Variants in VWA5A observed in about 807,000 individuals in gnomAD.
VWA5A encodes the protein von Willebrand factor A domain containing 5A.
Under a neutral mutation model 84.6 loss-of-function variants are expected in VWA5A, and 77 were observed. The observed-to-expected ratio is 0.91, with a 90% CI of 0.76 to 1.10. The LOEUF is 1.10. Ranked by LOEUF, VWA5A falls within the 50% of genes least tolerant of loss-of-function variation. The probability of loss-of-function intolerance (pLI) is 0.00; values close to 1 mark genes in which losing one functional copy is unlikely to be tolerated. For synonymous variants in VWA5A, 334 were observed against 350.1 expected, an observed-to-expected ratio of 0.95 and a Z score of 0.51; for missense variants, 973 against 963.0, an observed-to-expected ratio of 1.01 and a Z score of -0.14.
chr11:124,126,551 G>A (rs1049424139), intron 11 of VWA5A, among the ~76,000 whole-genome samples: 2 of 152,146 alleles, frequency 1.3e-5, no homozygotes, highest in African/African-American at 2.4e-5. Context: ...ACGAGGTCAG[G>A]AGTTTGAGAC....
rs1369993859 is a variant in VWA5A at position 124,147,135 on chromosome 11, T to C, written c.*1190T>C. ...ACATTGGTTTTATTGTCCCTTGTTT[T>C]CTGTTCCAGCTTTTCTGATGCCTCC... On this transcript the variant is annotated 3_prime_UTR_variant, in exon 19 of 19. Transcript: ENST00000456829. 6.3e-6 allele frequency: 1 copy of C among 158,708 alleles called. No individual in the cohort carries two copies. The highest frequency in any genetic ancestry group is 6.5e-5 in the Admixed American group (1 of 15,290). 9.8% of individuals were successfully genotyped at this position (158,708 alleles called of 1,614,324 possible).
chr11:124,117,597 C>T, intron 3 of VWA5A, 43 bp downstream of exon 3: 1 of 1,614,062 alleles, frequency 6.2e-7, no homozygotes, highest in Non-Finnish European at 8.5e-7. Context: ...GAATCTTTGG[C>T]ACCTATCACA....
At chr11:124,123,177 T>G in intron 8 of VWA5A, 48 bp downstream of exon 8, 2 of 1,586,900 alleles carry the variant, frequency 1.3e-6, no homozygotes, top group Non-Finnish European at 1.7e-6. Flanking sequence ...CAAGTGAGGA[T>G]GAATCTGAGG....
At chr11:124,122,929 G>C in intron 7 of VWA5A, 31 bp from the exon 8 acceptor site, 1 of 1,586,384 alleles carries the variant, frequency 6.3e-7, no homozygotes, top group Non-Finnish European at 8.5e-7. Flanking sequence ...GTTCCTTTTT[G>C]TCTTACAGTG....
intron 7 of VWA5A, among the ~76,000 whole-genome samples, chr11:124,121,281 A>T (rs995001868): frequency 1.3e-5 from 2 of 152,164 alleles, no homozygotes; most frequent in Admixed American, 6.5e-5. Context: ...TAAAATTTAC[A>T]AATAATTTTA....
Position 124,124,542 on chromosome 11 carries a change from C to T in VWA5A, c.1244+226C>T, listed in dbSNP as rs11825291. 0.013 allele frequency: 16,048 copies of T among 1,269,018 alleles called. 1,038 individuals carry two copies. The African/African-American group carries it at 0.15, about 12-fold the overall frequency. The allele number at this position is 1,269,018 out of a possible 1,614,324, so 78.6% of individuals were successfully genotyped here. A position where few individuals can be genotyped will look rare whatever the true frequency, so the allele number is the denominator to read the frequency against. ...GTTTCTTATTCTTTCTAAACTACAA[C>T]GAACACAAGAATTGAATAGTAAGAT... On this transcript the variant is annotated intron_variant, in intron 11 of 18. Transcript: ENST00000456829.
In VWA5A at chr11:124,118,302, G is replaced by T. The variant is rs1163546473; in HGVS notation, c.360G>T (p.Gly120=). ...FSCNVGNLQP[G]SKAAVTLKYV... is the part of the protein sequence containing the mutation. ...GCAATGTGGGTAACCTCCAACCTGG[G>T]TCGAAGGCGGCAGTCACCCTGAAGT... Residue 120 remains glycine, a synonymous_variant, in exon 5 of 19, where the codon GGG becomes GGT. Transcript: ENST00000456829. 2 of 1,614,072 alleles carry T rather than the reference G, an allele frequency of 1.2e-6. No homozygotes were observed. Among genetic ancestry groups the T allele is most frequent in the Non-Finnish European group, 1.7e-6 (2 of 1,180,048 alleles).
rs755766732 is a variant in VWA5A, at chr11:124,145,375, A to G, written c.2281+12A>G. 38 of 1,606,262 alleles carry G rather than the reference A, an allele frequency of 2.4e-5. No individual in the cohort carries two copies. The highest frequency in any genetic ancestry group is 2.9e-5 in the Non-Finnish European group (34 of 1,176,114). On this transcript the variant is annotated intron_variant, in intron 18 of 18. Transcript: ENST00000456829. ...GCGTGCCCATGCAGGTAGGAGCACA[A>G]TCCTAAGGCCTGTCTCCTTCCCCTT... is the stretch of plus-strand genomic sequence containing the variant.
At chr11:124,128,072 C>T (rs1865045930) in intron 11 of VWA5A, among the ~76,000 whole-genome samples, 1 of 152,142 alleles carries the variant, frequency 6.6e-6, no homozygotes, top group Admixed American at 6.6e-5. Flanking sequence ...GTGTTTTAGT[C>T]ATGAAGTATT....
In VWA5A at chr11:124,123,659, G is replaced by A; in HGVS notation, c.1020-1G>A. 1.9e-6 allele frequency: 3 copies of A among 1,614,146 alleles called. No individual in the cohort carries two copies. Among genetic ancestry groups the A allele is most frequent in the Non-Finnish European group, 2.5e-6 (3 of 1,180,038 alleles). On this transcript the variant is annotated splice_acceptor_variant, in intron 9 of 18. Transcript: ENST00000456829. LOFTEE classifies it high-confidence loss of function. Reference sequence around the variant, plus strand: ...TAACTGGGTGTGTTTGTTTTTCTCAGGGAGAGTGTGAAGTACACTCAGCAA... The same window carrying A: ...TAACTGGGTGTGTTTGTTTTTCTCAAGGAGAGTGTGAAGTACACTCAGCAA...
chr11:124,118,113 C>G, intron 4 of VWA5A, 76 bp from the exon 5 acceptor site: 2 of 1,486,792 alleles, frequency 1.3e-6, no homozygotes, highest in Non-Finnish European at 1.8e-6. Context: ...AGTCGCTCTG[C>G]ACTGCTCGTC....
intron 11 of VWA5A, among the ~76,000 whole-genome samples, chr11:124,133,253 G>A (rs946240230): frequency 5.9e-5 from 9 of 152,184 alleles, no homozygotes; most frequent in Middle Eastern, 3.4e-3. Context: ...TCTACCTCTG[G>A]GATGTAGTCC....
At chr11:124,133,379 T>C (rs1266148838) in intron 11 of VWA5A, among the ~76,000 whole-genome samples, 1 of 152,248 alleles carries the variant, frequency 6.6e-6, no homozygotes, top group African/African-American at 2.4e-5. Context: ...TTAAGTCATC[T>C]GCTTTTGTAC....
In VWA5A at chr11:124,145,799, C is replaced by A. The variant is rs753459779; in HGVS notation, c.2282-67C>A. 4.5e-5 allele frequency: 67 copies of A among 1,474,694 alleles called. No individual in the cohort carries two copies. The Middle Eastern group carries it at 1.4e-3, about 30-fold the overall frequency. The allele number at this position is 1,474,694 out of a possible 1,614,324, so 91.4% of individuals were successfully genotyped here. A position where few individuals can be genotyped will look rare whatever the true frequency, so the allele number is the denominator to read the frequency against. On this transcript the variant is annotated intron_variant, in intron 18 of 18. Transcript: ENST00000456829. ...AAAAGCACAACTCAGGGTAGATGAT[C>A]TGGGAGGTTTGGAGGAGCCTCTAAT... is the stretch of plus-strand genomic sequence containing the variant.
At chr11:124,130,454 G>A (rs886227733) in intron 11 of VWA5A, among the ~76,000 whole-genome samples, 4 of 152,170 alleles carry the variant, frequency 2.6e-5, no homozygotes, top group African/African-American at 4.8e-5. Context: ...TGTATATTCT[G>A]TTGATTAGGG....
intron 11 of VWA5A, among the ~76,000 whole-genome samples, chr11:124,128,108 A>G (rs892686685): frequency 2.0e-5 from 3 of 152,072 alleles, no homozygotes; most frequent in African/African-American, 7.2e-5. Context: ...CCTGAATGGT[A>G]TTGCCTAGGT....
chr11:124,117,885 A>G lies in VWA5A; in HGVS notation c.246+10A>G. On this transcript the variant is annotated intron_variant, in intron 4 of 18. Coordinates refer to ENST00000456829, the MANE Select transcript of VWA5A (RefSeq NM_001130142.2). ...ACAAGACAAGATGAAGGTAGTAGAG[A>G]TTACCTCCTCCCTTCTTATTACATT... The G allele has an allele frequency of 6.2e-7, 1 of 1,613,904 alleles. No homozygotes were observed. The highest frequency in any genetic ancestry group is 2.2e-5 in the East Asian group (1 of 44,866).
intron 14 of VWA5A, 94 bp downstream of exon 14, chr11:124,136,768 CCCT>C: frequency 1.2e-6 from 1 of 852,108 alleles, no homozygotes; most frequent in East Asian, 3.1e-5. Context: ...CTCCCTCCCT[CCCT>C]CCCTCCCTCC....
rs1451627381 is a variant in VWA5A at position 124,118,188 on chromosome 11, G to GGCCC, written c.249_252dup (p.Thr85ProfsTer5). Reference sequence around the variant, plus strand: ...CCCATCCCTCGCCCTGTGCTTCTCAGGCCCGCACCAACTATGAGAAAGCCA... The same window carrying GGCCC: ...CCCATCCCTCGCCCTGTGCTTCTCAGGCCCGCCCGCACCAACTATGAGAAAGCCA... On this transcript the variant is annotated frameshift_variant and splice_region_variant. Transcript: ENST00000456829. LOFTEE classifies it high-confidence loss of function. 11 of 1,613,528 alleles carry GGCCC rather than the reference G, an allele frequency of 6.8e-6. No homozygotes were observed. Among genetic ancestry groups the GGCCC allele is most frequent in the Non-Finnish European group, 7.6e-6 (9 of 1,179,920 alleles).
Sources: allele counts gnomAD v4.1 joint callset (sites outside exome capture counted in the v4.1 genomes callset), GRCh38; gene constraint gnomAD v4.1.1; transcripts MANE v1.5; gene names NCBI Gene and HGNC (gene_info 2026-07-23, HGNC 2026-07-21).